Variants in GOLGA6L6 observed in about 807,000 individuals in gnomAD.
GOLGA6L6 encodes the protein golgin A6 family like 6 (gene/pseudogene).
A neutral mutation model predicts 75.6 loss-of-function variants in GOLGA6L6; 12 were observed. The observed-to-expected ratio is 0.16, with a 90% CI of 0.10 to 0.26. The LOEUF (loss-of-function observed/expected upper bound fraction) is 0.26. Among genes scored for constraint, GOLGA6L6 ranks in the 10% least tolerant of loss-of-function variants. GOLGA6L6 has a pLI of 1.00. For missense variants in GOLGA6L6, 144 were observed against 598.5 expected, an observed-to-expected ratio of 0.24 and a Z score of 7.92; for synonymous variants, 38 against 179.2, an observed-to-expected ratio of 0.21 and a Z score of 6.29.
At chr15:20,536,742 AC>A in intron 6 of GOLGA6L6, 71 bp downstream of exon 6, 3 of 221,404 alleles carry the variant, frequency 1.4e-5, no homozygotes, top group Non-Finnish European at 2.4e-5. Flanking sequence ...ACTCACCTGG[AC>A]CCCCCACCTC....
rs1278080146 is a variant in GOLGA6L6 at position 20,534,511 on chromosome 15, C to T, written c.1923G>A (p.Glu641=). 9.2e-6 allele frequency: 14 copies of T among 1,518,236 alleles called. No individual in the cohort carries two copies. The highest frequency in any genetic ancestry group is 2.0e-5 in the Admixed American group (1 of 49,922). 94.0% of individuals were successfully genotyped at this position (1,518,236 alleles called of 1,614,324 possible). The change falls in exon 8 of 9, where the codon GAG becomes GAA. Residue 641 remains glutamate, a synonymous_variant. Coordinates refer to ENST00000619213, the MANE Select transcript of GOLGA6L6 (RefSeq NM_001145004.2). ...TCTCCTCCTGCCTCCACATCGTCTC[C>T]TCCTGTTCTTGCATCTTCTCTTCCT... ...CEQEEKMQEQ[E]ETMWRQEEKI...
In GOLGA6L6 at chr15:20,534,930, C is replaced by A; in HGVS notation, c.1504G>T (p.Glu502Ter). ...KIREQEEKIR[E>*]QEEKMWRQEE... ...TGCCTCCACATCTTCTCCTCCTGCT[C>A]CCGTATCTTCTCCTCCTGCTCCCGT... The change falls in exon 8 of 9, where the codon GAG becomes TAG. Residue 502 changes from glutamate to a stop codon, truncating the protein, a stop_gained. Coordinates refer to ENST00000619213, the MANE Select transcript of GOLGA6L6 (RefSeq NM_001145004.2). LOFTEE classifies it high-confidence loss of function. The A allele has an allele frequency of 6.6e-7, 1 of 1,505,882 alleles. No homozygotes were observed. The highest frequency in any genetic ancestry group is 8.9e-7 in the Non-Finnish European group (1 of 1,118,248). 93.3% of individuals were successfully genotyped at this position (1,505,882 alleles called of 1,614,324 possible).
In GOLGA6L6 at chr15:20,536,477, A is replaced by G. The variant is rs1311719559; in HGVS notation, c.609T>C (p.Thr203=). ...LSLELYRNTI[T]DEELKEKNAE... Reference sequence around the variant, plus strand: ...CATTTTTCTCCTTCAGCTCCTCATCAGTTATCCTATGGCCAGAGGCAGTAG... The same window carrying G: ...CATTTTTCTCCTTCAGCTCCTCATCGGTTATCCTATGGCCAGAGGCAGTAG... The change falls in exon 7 of 9, where the codon ACT becomes ACC. Residue 203 remains threonine, a synonymous_variant. Transcript: ENST00000619213. 2.9e-5 allele frequency: 22 copies of G among 766,978 alleles called. 6 individuals are homozygous for G. In the East Asian group the frequency reaches 7.6e-4, roughly 27 times the overall value. 47.5% of individuals were successfully genotyped at this position (766,978 alleles called of 1,614,324 possible).
rs1312656515 is a variant in GOLGA6L6, at chr15:20,534,883, C to T, written c.1551G>A (p.Gln517=). ...TCTCTTCCTCCCTCCACATCTCCTC[C>T]TGCTCCCGTATCTTCTCCTCCTGCC... ...MWRQEEKIRE[Q]EEMWREEEKM... The change falls in exon 8 of 9, where the codon CAG becomes CAA. Residue 517 remains glutamine, a synonymous_variant. Transcript: ENST00000619213. The T allele has an allele frequency of 3.7e-6, 5 of 1,345,372 alleles. No individual in the cohort carries two copies. The highest frequency in any genetic ancestry group is 5.1e-6 in the Non-Finnish European group (5 of 974,694). The allele number at this position is 1,345,372 out of a possible 1,614,324, so 83.3% of individuals were successfully genotyped here.
At position 20,534,464 on chromosome 15, in the gene GOLGA6L6, T is replaced by A; in HGVS notation, c.1970A>T (p.Lys657Met). The change falls in exon 8 of 9, where the codon AAG becomes ATG. Residue 657 changes from lysine (K) to methionine (M), a missense_variant. Coordinates refer to ENST00000619213, the MANE Select transcript of GOLGA6L6 (RefSeq NM_001145004.2). ...TATCTTCTCCTCCTGCTCCCGTATC[T>A]TCTTCTCCTGCTCCCTTATCTTCTC... ...QEEKIREQEKKIREQEEKIRE... is the reference protein window; with the variant it reads ...QEEKIREQEKMIREQEEKIRE... 2 of 1,446,148 alleles carry A rather than the reference T, an allele frequency of 1.4e-6. No individual in the cohort carries two copies. Among genetic ancestry groups the A allele is most frequent in the Non-Finnish European group, 9.2e-7 (1 of 1,090,088 alleles). 89.6% of individuals were successfully genotyped at this position (1,446,148 alleles called of 1,614,324 possible).
Position 20,532,862 on chromosome 15 carries a change from T to C in GOLGA6L6, c.*741A>G, listed in dbSNP as rs2140624704. 3.6e-5 allele frequency: 3 copies of C among 83,210 alleles called. 1 individual carries two copies. The South Asian group carries it at 1.4e-3, about 38-fold the overall frequency. 5.2% of individuals were successfully genotyped at this position (83,210 alleles called of 1,614,324 possible). ...CTCTCACAGGGCTGAAATGACCTAA[T>C]GAGAATTTGGGTCCCAGGAAGGAGA... On this transcript the variant is annotated 3_prime_UTR_variant, in exon 9 of 9. Coordinates refer to ENST00000619213, the MANE Select transcript of GOLGA6L6 (RefSeq NM_001145004.2).
rs746524911 is a variant in GOLGA6L6 at position 20,534,990 on chromosome 15, G to C, written c.1444C>G (p.Gln482Glu). The change falls in exon 8 of 9, where the codon CAG (glutamine) becomes GAG (glutamate). Residue 482 changes from glutamine (Q) to glutamate (E), a missense_variant. Physicochemically the swap from Gln to Glu is conservative, Grantham distance 29 (BLOSUM62 2). Transcript: ENST00000619213. ...MHEQEEKIRK[Q>E]EEKVWRQEEK... ...TCCTGCCTCCACACCTTCTCCTCCT[G>C]CTTCCGTATCTTCTCCTCCTGCTCG... 2.0e-6 allele frequency: 3 copies of C among 1,468,350 alleles called. No homozygotes were observed. The highest frequency in any genetic ancestry group is 2.7e-6 in the Non-Finnish European group (3 of 1,097,130). The allele number at this position is 1,468,350 out of a possible 1,614,324, so 91.0% of individuals were successfully genotyped here.
At chr15:20,536,584 G>C in intron 6 of GOLGA6L6, 101 bp from the exon 7 acceptor site, 1 of 318,244 alleles carries the variant, frequency 3.1e-6, no homozygotes, top group South Asian at 2.7e-5. Flanking sequence ...GAACCGTGGC[G>C]CTGGAAGGGA....
chr15:20,534,216 G>A (rs1422548873), intron 8 of GOLGA6L6, 43 bp downstream of exon 8: 2 of 711,646 alleles, frequency 2.8e-6, no homozygotes, highest in Admixed American at 2.8e-5. Context: ...TCGGCCTTCT[G>A]CCCCAGCTTC....
intron 1 of GOLGA6L6, among the ~76,000 whole-genome samples, chr15:20,540,330 TG>T (rs1458237042): frequency 5.6e-4 from 2 of 3,580 alleles, no homozygotes; most frequent in African/African-American, 2.3e-3. Flanking sequence ...CTGCTAAATC[TG>T]GGAATTTAAC....
At position 20,534,927 on chromosome 15, in the gene GOLGA6L6, G is replaced by A; in HGVS notation, c.1507C>T (p.Gln503Ter). The change falls in exon 8 of 9, where the codon CAG becomes TAG. Residue 503 changes from glutamine (Q) to a stop codon, truncating the protein, a stop_gained. Coordinates refer to ENST00000619213, the MANE Select transcript of GOLGA6L6 (RefSeq NM_001145004.2). LOFTEE classifies it high-confidence loss of function. ...IREQEEKIRE[Q>*]EEKMWRQEEK... ...TCCTGCCTCCACATCTTCTCCTCCT[G>A]CTCCCGTATCTTCTCCTCCTGCTCC... The A allele has an allele frequency of 6.7e-7, 1 of 1,503,322 alleles. No individual in the cohort carries two copies. Among genetic ancestry groups the A allele is most frequent in the Non-Finnish European group, 8.9e-7 (1 of 1,117,622 alleles). 93.1% of individuals were successfully genotyped at this position (1,503,322 alleles called of 1,614,324 possible). A position where few individuals can be genotyped will look rare whatever the true frequency, so the allele number is the denominator to read the frequency against.
rs1890438111 is a variant in GOLGA6L6 at position 20,539,089 on chromosome 15, A to G, written c.292-403T>C. Among the ~76,000 whole-genome samples the G allele has an allele frequency of 3.9e-5, 2 of 51,390 alleles. 1 individual carries two copies. The highest frequency in any genetic ancestry group is 7.9e-5 in the Non-Finnish European group (2 of 25,342). The allele number at this position is 51,390 out of a possible 152,430, so 33.7% of individuals were successfully genotyped here. ...TGGATTTAAAAGGCACAGTTCTCAG[A>G]CCCAATGGGAACATGAACTGGTCAA... On this transcript the variant is annotated intron_variant, in intron 2 of 8. Coordinates refer to ENST00000619213, the MANE Select transcript of GOLGA6L6 (RefSeq NM_001145004.2).
chr15:20,532,390 A>G lies in GOLGA6L6; in HGVS notation c.*1213T>C, dbSNP rs1379379947. On this transcript the variant is annotated 3_prime_UTR_variant, in exon 9 of 9. Transcript: ENST00000619213. ...TTAAAGGTATAAAAAAAAATTAGCC[A>G]GGCATGGTGGCACACGCTACTCGGG... 2 of 121,350 alleles carry G rather than the reference A, an allele frequency of 1.6e-5. No individual in the cohort carries two copies. Among genetic ancestry groups the G allele is most frequent in the East Asian group, 4.8e-4 (2 of 4,208 alleles). The allele number at this position is 121,350 out of a possible 1,614,324, so 7.5% of individuals were successfully genotyped here. A position where few individuals can be genotyped will look rare whatever the true frequency, so the allele number is the denominator to read the frequency against.
At position 20,532,466 on chromosome 15, in the gene GOLGA6L6, G is replaced by A. The variant is rs368685467; in HGVS notation, c.*1137C>T. On this transcript the variant is annotated 3_prime_UTR_variant, in exon 9 of 9. Transcript: ENST00000619213. ...ACCCAGGAGGCAGAGGTTACAGTGA[G>A]CAGAGATCGTGCCATTGCACTAGAG... 3.1e-5 allele frequency: 4 copies of A among 130,546 alleles called. No individual in the cohort carries two copies. Among genetic ancestry groups the A allele is most frequent in the South Asian group, 2.5e-4 (1 of 4,076 alleles). The allele number at this position is 130,546 out of a possible 1,614,324, so 8.1% of individuals were successfully genotyped here. A position where few individuals can be genotyped will look rare whatever the true frequency, so the allele number is the denominator to read the frequency against.
Position 20,534,810 on chromosome 15 carries a change from G to C in GOLGA6L6, c.1624C>G (p.Gln542Glu). 8.8e-7 allele frequency: 1 copy of C among 1,140,600 alleles called. No individual in the cohort carries two copies. The highest frequency in any genetic ancestry group is 2.0e-5 in the African/African-American group (1 of 49,134). The allele number at this position is 1,140,600 out of a possible 1,614,324, so 70.7% of individuals were successfully genotyped here. ...KIWEEEKRQE[Q>E]EDKMWRQEEK... ...TCCTGCCTCCACATCTTATCCTCCT[G>C]CTCCTGCCTCTTCTCCTCCTCCCAT... The change falls in exon 8 of 9, where the codon CAG becomes GAG. Residue 542 changes from glutamine (Q) to glutamate (E), a missense_variant. By Grantham distance (29) the Gln-to-Glu change is conservative. Coordinates refer to ENST00000619213, the MANE Select transcript of GOLGA6L6 (RefSeq NM_001145004.2).
rs1890322833 is a variant in GOLGA6L6, at chr15:20,534,977, A to T, written c.1457T>A (p.Val486Glu). The T allele has an allele frequency of 2.1e-6, 3 of 1,462,592 alleles. No homozygotes were observed. Among genetic ancestry groups the T allele is most frequent in the Admixed American group, 4.6e-5 (2 of 43,890 alleles). The allele number at this position is 1,462,592 out of a possible 1,614,324, so 90.6% of individuals were successfully genotyped here. A position where few individuals can be genotyped will look rare whatever the true frequency, so the allele number is the denominator to read the frequency against. The change falls in exon 8 of 9, where the codon GTG becomes GAG. Residue 486 changes from valine (V) to glutamate (E), a missense_variant. By Grantham distance (121) the Val-to-Glu change is moderately radical. Transcript: ENST00000619213. ...CCGTATCTTCTCCTCCTGCCTCCAC[A>T]CCTTCTCCTCCTGCTTCCGTATCTT... ...EEKIRKQEEKVWRQEEKIREQ... is the reference protein window; with the variant it reads ...EEKIRKQEEKEWRQEEKIREQ...
Position 20,532,584 on chromosome 15 carries a change from CG to C in GOLGA6L6, c.*1018del, listed in dbSNP as rs766936628. The C allele has an allele frequency of 1.4e-5, 2 of 142,652 alleles. No individual in the cohort carries two copies. Among genetic ancestry groups the C allele is most frequent in the Non-Finnish European group, 3.1e-5 (2 of 65,090 alleles). The allele number at this position is 142,652 out of a possible 1,614,324, so 8.8% of individuals were successfully genotyped here. A position where few individuals can be genotyped will look rare whatever the true frequency, so the allele number is the denominator to read the frequency against. ...TCAGTAAAGGCAGAGGAGCTTGTTA[CG>C]GATTCGCCTCCCCACAAGAGCAGTT... On this transcript the variant is annotated 3_prime_UTR_variant, in exon 9 of 9. Transcript: ENST00000619213.
At position 20,534,800 on chromosome 15, in the gene GOLGA6L6, T is replaced by C. The variant is rs1890311610; in HGVS notation, c.1634A>G (p.Lys545Arg). 1 of 1,167,968 alleles carries C rather than the reference T, an allele frequency of 8.6e-7. No individual in the cohort carries two copies. 72.4% of individuals were successfully genotyped at this position (1,167,968 alleles called of 1,614,324 possible). A position where few individuals can be genotyped will look rare whatever the true frequency, so the allele number is the denominator to read the frequency against. ...EEEKRQEQED[K>R]MWRQEEKIRE... ...TATCTTCTCCTCCTGCCTCCACATCTTATCCTCCTGCTCCTGCCTCTTCTC... is the reference window on the plus strand; with the variant it reads ...TATCTTCTCCTCCTGCCTCCACATCCTATCCTCCTGCTCCTGCCTCTTCTC... Residue 545 changes from lysine to arginine, a missense_variant, in exon 8 of 9, where the codon AAG becomes AGG. Lys to Arg is a conservative substitution (Grantham distance 26). Transcript: ENST00000619213.
rs1456539670 is a variant in GOLGA6L6 at position 20,533,329 on chromosome 15, AT to A, written c.*273del. 1.1e-5 allele frequency: 1 copy of A among 91,536 alleles called. No individual in the cohort carries two copies. The highest frequency in any genetic ancestry group is 2.2e-5 in the Non-Finnish European group (1 of 45,098). The allele number at this position is 91,536 out of a possible 1,614,324, so 5.7% of individuals were successfully genotyped here. On this transcript the variant is annotated 3_prime_UTR_variant, in exon 9 of 9. Transcript: ENST00000619213. ...GCCACCATGCCCGGCTAATTTTTGTATTGGCCAGGCTGGTCTTGAACTCTTG... is the reference window on the plus strand; with the variant it reads ...GCCACCATGCCCGGCTAATTTTTGTATGGCCAGGCTGGTCTTGAACTCTTG...
Sources: gnomAD v4.1 joint callset for allele counts (sites outside exome capture counted in the v4.1 genomes callset) on GRCh38, gnomAD v4.1.1 for gene constraint, MANE v1.5 for transcripts, NCBI Gene and HGNC (gene_info 2026-07-23, HGNC 2026-07-21) for gene names.